Variants in ABLIM1 observed in about 807,000 individuals in gnomAD.
The protein encoded by ABLIM1 is actin-binding LIM protein 1.
In ABLIM1, 40 loss-of-function variants were observed where a neutral mutation model predicts 107.0. The observed-to-expected ratio is 0.37, with a 90% CI of 0.29 to 0.49. The LOEUF (loss-of-function observed/expected upper bound fraction) is 0.49, where lower values mean the gene tolerates loss of function less well. Ranked by LOEUF, ABLIM1 falls within the 20% of genes least tolerant of loss-of-function variation. ABLIM1 has a pLI of 0.97. For missense variants in ABLIM1, 857 were observed against 1,008.5 expected (o/e 0.85, Z 2.04); for synonymous variants, 357 against 357.3 (o/e 1.00, Z 0.01).
chr10:114,521,218 G>A (rs2063680956), intron 6 of ABLIM1, among the ~76,000 whole-genome samples: 1 of 152,198 alleles, frequency 6.6e-6, no homozygotes, highest in African/African-American at 2.4e-5. Context: ...AAGAAAGGCT[G>A]TATAATCTGC....
At chr10:114,586,585 G>A (rs114965959) in intron 2 of ABLIM1, among the ~76,000 whole-genome samples, 2,255 of 152,328 alleles carry the variant, frequency 0.015, 48 homozygotes, top group African/African-American at 0.051. Context: ...GAAAGCATTT[G>A]TTTTACATGT....
chr10:114,792,718 T>C, the ABLIM1 span, among the ~76,000 whole-genome samples: 1 of 152,222 alleles, frequency 6.6e-6, no homozygotes, highest in African/African-American at 2.4e-5. Flanking sequence ...ACTGTTCATA[T>C]GTTGATGATT....
At chr10:114,764,840 G>T (rs989783698) in intron 1 of ABLIM1, 4 of 152,280 alleles carry the variant, frequency 2.6e-5, no homozygotes. Context: ...GAAATGTCCT[G>T]CGCAGGCCAT....
intron 2 of ABLIM1, among the ~76,000 whole-genome samples, chr10:114,589,605 C>T (rs1243503250): frequency 6.6e-6 from 1 of 151,654 alleles, no homozygotes; most frequent in African/African-American, 2.4e-5. Flanking sequence ...ATCACAGGTG[C>T]GATCATAGTC....
intron 2 of ABLIM1, among the ~76,000 whole-genome samples, chr10:114,584,722 A>G (rs990359371): frequency 6.6e-6 from 1 of 152,172 alleles, no homozygotes; most frequent in African/African-American, 2.4e-5. Context: ...ATCAATTATC[A>G]TTTCTGGGAA....
At chr10:114,572,431 T>C (rs2071831387) in intron 3 of ABLIM1, among the ~76,000 whole-genome samples, 1 of 152,224 alleles carries the variant, frequency 6.6e-6, no homozygotes, top group Non-Finnish European at 1.5e-5. Context: ...TATAGGTAAA[T>C]TTGGAGTTAA....
chr10:114,437,729 T>C, intron 22 of ABLIM1, 115 bp downstream of exon 22: 2 of 841,442 alleles, frequency 2.4e-6, no homozygotes. Context: ...GACATGAGGG[T>C]GATCTTTATA....
In ABLIM1 at chr10:114,707,263, C is replaced by T. The variant is rs1591856963; in HGVS notation, c.-213+60798G>A. Among the ~76,000 whole-genome samples the T allele has an allele frequency of 6.6e-6, 1 of 152,174 alleles. No homozygotes were observed. Among genetic ancestry groups the T allele is most frequent in the East Asian group, 1.9e-4 (1 of 5,154 alleles). Reference sequence around the variant, plus strand: ...GCTGTTGTTGCTGTTGATGGAGTCTCGCACTGTCACCCAAGATGGAGTGCA... The same window carrying T: ...GCTGTTGTTGCTGTTGATGGAGTCTTGCACTGTCACCCAAGATGGAGTGCA... On this transcript the variant is annotated intron_variant, in intron 1 of 15. Transcript: ENST00000651092. The surrounding 1 kb of genome is among the most constrained non-coding windows in gnomAD (Gnocchi z 4.1).
chr10:114,689,507 G>C (rs1166334685), upstream of ABLIM1, among the ~76,000 whole-genome samples: 2 of 151,384 alleles, frequency 1.3e-5, no homozygotes, highest in Non-Finnish European at 2.9e-5. Flanking sequence ...GATTACAGGT[G>C]TGCACCACCA....
chr10:114,574,046 A>T (rs759184196), intron 3 of ABLIM1, among the ~76,000 whole-genome samples: 5 of 152,242 alleles, frequency 3.3e-5, no homozygotes, highest in Non-Finnish European at 5.9e-5. Flanking sequence ...TAATTTTATT[A>T]TGAATATTTT....
chr10:114,761,890 T>G lies in ABLIM1; in HGVS notation c.-213+6171A>C, dbSNP rs192437933. Among the ~76,000 whole-genome samples, 263 of 152,290 alleles carry G rather than the reference T, an allele frequency of 1.7e-3. 1 individual carries two copies. The highest frequency in any genetic ancestry group is 6.2e-3 in the African/African-American group (258 of 41,568). On this transcript the variant is annotated intron_variant, in intron 1 of 15. Transcript: ENST00000651092. Reference sequence around the variant, plus strand: ...ATTCTTCAAGAAAACAACTCTACTTTCTTTAAGAAGCCTCACCTGATATGG... The same window carrying G: ...ATTCTTCAAGAAAACAACTCTACTTGCTTTAAGAAGCCTCACCTGATATGG...
intron 4 of ABLIM1, among the ~76,000 whole-genome samples, chr10:114,566,264 C>G (rs1292402588): frequency 6.6e-6 from 1 of 152,198 alleles, no homozygotes; most frequent in African/African-American, 2.4e-5. Context: ...CACACGCCAT[C>G]AGACACTAGT....
chr10:114,613,832 C>G (rs1211976563), intron 1 of ABLIM1: 1 of 942,940 alleles, frequency 1.1e-6, no homozygotes, highest in Non-Finnish European at 1.4e-6. Flanking sequence ...TTCAAGCTCT[C>G]TTATGACCTA....
At position 114,575,447 on chromosome 10, in the gene ABLIM1, G is replaced by A; in HGVS notation, c.532C>T (p.His178Tyr). 1 of 1,614,122 alleles carries A rather than the reference G, an allele frequency of 6.2e-7. No homozygotes were observed. The highest frequency in any genetic ancestry group is 8.5e-7 in the Non-Finnish European group (1 of 1,180,012). The change falls in exon 3 of 23, where the codon CAT becomes TAT. Residue 178 changes from histidine (H) to tyrosine (Y), a missense_variant. Physicochemically the swap from His to Tyr is moderately conservative, Grantham distance 83. Around this residue, in one of 5 missense-constraint regions of ABLIM1, gnomAD observed 381 missense variants for 506.9 expected, o/e 0.75. Transcript: ENST00000533213. ...EVVTALGKTY[H>Y]PNCFACTICK... ...ATAGTACAAGCAAAGCAATTGGGAT[G>A]GTAGGTCTTGCCCAGAGCAGTCACC... is the stretch of plus-strand genomic sequence containing the variant.
the ABLIM1 span, chr10:114,778,907 C>G: frequency 8.5e-5 from 13 of 152,258 alleles, no homozygotes; most frequent in East Asian, 2.5e-3. Context: ...CCCTTAAAAG[C>G]AGAAATGTTG....
At chr10:114,628,399 A>T (rs997656751) in intron 1 of ABLIM1, among the ~76,000 whole-genome samples, 21 of 152,270 alleles carry the variant, frequency 1.4e-4, no homozygotes, top group Non-Finnish European at 2.9e-5. Flanking sequence ...AGAATCACGA[A>T]GAATTATCTC....
chr10:114,649,129 G>A (rs2079129971), intron 1 of ABLIM1, among the ~76,000 whole-genome samples: 1 of 152,064 alleles, frequency 6.6e-6, no homozygotes, highest in East Asian at 1.9e-4. Context: ...TGGGCACGGT[G>A]GCTCACACCT....
rs1333640287 is a variant in ABLIM1, at chr10:114,751,751, A to C, written c.-213+16310T>G. Reference sequence around the variant, plus strand: ...GTGAAAGAGTCAGACTCTGTCTCAAAAAAAAAAAAAAAGGAAAGAAAAAAA... The same window carrying C: ...GTGAAAGAGTCAGACTCTGTCTCAACAAAAAAAAAAAAGGAAAGAAAAAAA... On this transcript the variant is annotated intron_variant, in intron 1 of 15. Coordinates refer to the ABLIM1 transcript ENST00000651092. 9.0e-3 allele frequency among the ~76,000 whole-genome samples: 1,178 copies of C among 131,162 alleles called. 16 individuals are homozygous for C. The highest frequency in any genetic ancestry group is 0.028 in the African/African-American group (1,096 of 38,802). 86.0% of individuals were successfully genotyped at this position (131,162 alleles called of 152,430 possible).
chr10:114,442,341 C>T (rs957118513), intron 17 of ABLIM1, among the ~76,000 whole-genome samples: 4 of 152,182 alleles, frequency 2.6e-5, no homozygotes, highest in African/African-American at 9.7e-5. Flanking sequence ...TACAGGGTAT[C>T]TGTCAATGAT....
Sources: allele counts gnomAD v4.1 joint callset (sites outside exome capture counted in the v4.1 genomes callset), GRCh38; gene constraint gnomAD v4.1.1; regional missense constraint gnomAD v4.1.1; non-coding constraint Gnocchi (gnomAD v3.1); transcripts MANE v1.5; gene names NCBI Gene and HGNC (gene_info 2026-07-23, HGNC 2026-07-21).